The following DLGAP2 variants were observed in gnomAD, a reference collection of about 807,000 sequenced individuals.
The protein encoded by DLGAP2 is DLG associated protein 2.
Under a neutral mutation model 100.3 loss-of-function variants are expected in DLGAP2, and 26 were observed. The observed-to-expected ratio is 0.26, with a 90% CI of 0.19 to 0.36. The LOEUF (loss-of-function observed/expected upper bound fraction) is 0.36, where lower values mean the gene tolerates loss of function less well. Among genes scored for constraint, DLGAP2 ranks in the 10% least tolerant of loss-of-function variants. The pLI is 1.00. For synonymous variants in DLGAP2, 886 were observed against 630.1 expected (o/e 1.41, Z -6.08); for missense variants, 1,858 against 1,453.2 (o/e 1.28, Z -4.53).
chr8:1,024,870 G>T (rs1482872013), intron 2 of DLGAP2, among the ~76,000 whole-genome samples: 1 of 152,192 alleles, frequency 6.6e-6, no homozygotes, highest in East Asian at 1.9e-4. Context: ...CCCAACTGCA[G>T]CCCTTGATCC....
intron 3 of DLGAP2, among the ~76,000 whole-genome samples, chr8:1,344,893 C>T (rs752603121): frequency 5.3e-5 from 8 of 152,196 alleles, no homozygotes; most frequent in East Asian, 1.9e-4. Flanking sequence ...CCTCCTGGAC[C>T]GAAATATTCC....
At chr8:1,236,266 CCGTTTCTAG>C (rs1424871457) in intron 2 of DLGAP2, among the ~76,000 whole-genome samples, 5 of 48,758 alleles carry the variant, frequency 1.0e-4, no homozygotes, top group African/African-American at 9.9e-5. Context: ...TCACATGGTG[CCGTTTCTAG>C]TTCTCTCACA....
intron 8 of DLGAP2, among the ~76,000 whole-genome samples, chr8:1,639,862 C>T (rs1320135992): frequency 6.6e-6 from 1 of 152,224 alleles, no homozygotes; most frequent in Admixed American, 6.5e-5. Context: ...TGACCCCCTC[C>T]CTTCCTCATG....
chr8:950,400 T>C (rs1449195776), intron 2 of DLGAP2, among the ~76,000 whole-genome samples: 3 of 152,174 alleles, frequency 2.0e-5, no homozygotes, highest in Admixed American at 1.3e-4. Flanking sequence ...ATACATAAAA[T>C]AATGCCTCTT....
At chr8:1,561,191 C>A (rs922576637) in intron 5 of DLGAP2, among the ~76,000 whole-genome samples, 1 of 152,168 alleles carries the variant, frequency 6.6e-6, no homozygotes, top group African/African-American at 2.4e-5. Context: ...TCGCCTTCTG[C>A]CATGACTGCG....
intron 6 of DLGAP2, among the ~76,000 whole-genome samples, chr8:1,622,636 GGAT>G (rs1797375292): frequency 6.6e-6 from 1 of 152,126 alleles, no homozygotes; most frequent in South Asian, 2.1e-4. Context: ...GCCTGTTTGT[GGAT>G]GACAATCTAA....
At chr8:808,949 C>A (rs1380902320) in intron 1 of DLGAP2, among the ~76,000 whole-genome samples, 1 of 150,092 alleles carries the variant, frequency 6.7e-6, no homozygotes, top group Non-Finnish European at 1.5e-5. Context: ...CTCTGTCCCC[C>A]AGGCTGAAGT....
chr8:824,955 G>C (rs908743263), intron 1 of DLGAP2, among the ~76,000 whole-genome samples: 2 of 152,144 alleles, frequency 1.3e-5, no homozygotes, highest in Non-Finnish European at 2.9e-5. Context: ...GAGATTTTGA[G>C]AGGGGCCGCC....
chr8:1,233,965 G>C (rs900669186), intron 2 of DLGAP2, among the ~76,000 whole-genome samples: 2 of 152,186 alleles, frequency 1.3e-5, no homozygotes, highest in Admixed American at 6.5e-5. Flanking sequence ...GGTTTGACCA[G>C]GTGGTCAATA....
intron 2 of DLGAP2, among the ~76,000 whole-genome samples, chr8:1,103,462 G>T (rs112975249): frequency 1.3e-5 from 2 of 148,312 alleles, no homozygotes; most frequent in African/African-American, 5.2e-5. Flanking sequence ...CGGGGCCTTG[G>T]TTAACGTTGA....
At chr8:1,607,545 G>C (rs1310553745) in intron 6 of DLGAP2, among the ~76,000 whole-genome samples, 1 of 152,266 alleles carries the variant, frequency 6.6e-6, no homozygotes, top group Non-Finnish European at 1.5e-5. Flanking sequence ...CATCGGGCCT[G>C]TGTAAATATA....
At position 1,571,353 on chromosome 8, in the gene DLGAP2, T is replaced by C. The variant is rs1802667507; in HGVS notation, c.1442+5459T>C. Among the ~76,000 whole-genome samples the C allele has an allele frequency of 2.6e-5, 3 of 116,596 alleles. No homozygotes were observed. In the South Asian group the frequency reaches 9.9e-4, roughly 38 times the overall value. The allele number at this position is 116,596 out of a possible 152,430, so 76.5% of individuals were successfully genotyped here. On this transcript the variant is annotated intron_variant, in intron 6 of 14. Coordinates refer to ENST00000637795, the MANE Select transcript of DLGAP2 (RefSeq NM_001346810.2). ...GGAGAGAGGGTGAACTGTGGGGGCA[T>C]CTGATGAGATGGAGAGGAGAGAGGG...
chr8:1,039,578 A>G (rs1177047840), intron 2 of DLGAP2, among the ~76,000 whole-genome samples: 8 of 98,946 alleles, frequency 8.1e-5, no homozygotes, highest in South Asian at 3.9e-4. Context: ...GTGCGTGGTC[A>G]GCTCGGTGTG....
chr8:893,318 G>T (rs762607610), intron 1 of DLGAP2, among the ~76,000 whole-genome samples: 1 of 152,204 alleles, frequency 6.6e-6, no homozygotes, highest in African/African-American at 2.4e-5. Context: ...AGGCAGGCAC[G>T]GTGGAAGACC....
intron 2 of DLGAP2, among the ~76,000 whole-genome samples, chr8:924,345 AG>A (rs1044525566): frequency 6.6e-6 from 1 of 152,062 alleles, no homozygotes. Flanking sequence ...TACCGACAGC[AG>A]GTTAGCAGAT....
intron 3 of DLGAP2, among the ~76,000 whole-genome samples, chr8:1,268,139 A>G (rs1185128820): frequency 2.6e-5 from 4 of 152,254 alleles, no homozygotes; most frequent in African/African-American, 9.6e-5. Flanking sequence ...TTTAAGAAAT[A>G]ATATCCAATA....
At chr8:1,559,029 T>C (rs1209238025) in intron 5 of DLGAP2, among the ~76,000 whole-genome samples, 2 of 152,230 alleles carry the variant, frequency 1.3e-5, no homozygotes, top group African/African-American at 4.8e-5. Context: ...GCTTTGCAGC[T>C]TGGAAGAAAG....
At chr8:1,564,281 G>A (rs1403101035) in intron 5 of DLGAP2, among the ~76,000 whole-genome samples, 1 of 152,178 alleles carries the variant, frequency 6.6e-6, no homozygotes. Flanking sequence ...AAACCATTGT[G>A]TTCCAGTTCC....
intron 2 of DLGAP2, among the ~76,000 whole-genome samples, chr8:1,102,982 G>A (rs930108684): frequency 6.6e-6 from 1 of 151,898 alleles, no homozygotes; most frequent in Admixed American, 6.6e-5. Context: ...ATGAGATTCT[G>A]GGGTCTTCGT....
Sources: gnomAD v4.1 joint callset for allele counts (sites outside exome capture counted in the v4.1 genomes callset) on GRCh38, gnomAD v4.1.1 for gene constraint, MANE v1.5 for transcripts, NCBI Gene and HGNC (gene_info 2026-07-23, HGNC 2026-07-21) for gene names.